Variants in PRG2 observed in about 807,000 individuals in gnomAD.
PRG2 encodes the protein proteoglycan 2, pro eosinophil major basic protein.
A neutral mutation model predicts 24.7 loss-of-function variants in PRG2; 23 were observed. The observed-to-expected ratio is 0.93, with a 90% confidence interval of 0.67 to 1.32. The LOEUF (loss-of-function observed/expected upper bound fraction) is 1.32. Among genes scored for constraint, PRG2 ranks in the 40% most tolerant of loss-of-function variants. PRG2 has a pLI of 0.00. For missense variants in PRG2, 271 were observed against 280.9 expected (o/e 0.96, Z 0.25); for synonymous variants, 104 against 99.8 (o/e 1.04, Z -0.25).
intron 2 of PRG2, among the ~76,000 whole-genome samples, 166 bp downstream of exon 2, chr11:57,389,721 G>A (rs1857121592): frequency 6.6e-6 from 1 of 152,132 alleles, no homozygotes; most frequent in South Asian, 2.1e-4. Flanking sequence ...CAGACGCCTT[G>A]AGAAATCCTT....
In PRG2 at chr11:57,390,592, TCACC is replaced by T. The variant is rs2134476620; in HGVS notation, c.-13_-13+3del. The T allele has an allele frequency of 1.0e-6, 1 of 985,552 alleles. No homozygotes were observed. Among genetic ancestry groups the T allele is most frequent in the East Asian group, 1.1e-4 (1 of 8,818 alleles). 61.1% of individuals were successfully genotyped at this position (985,552 alleles called of 1,614,324 possible). ...AGCTCCACCACAGCAGAGAAAGCAC[TCACC>T]CACCCAGAGACCTTCCTGGGTCTTT... On this transcript the variant is annotated splice_donor_variant and splice_donor_region_variant and 5_prime_UTR_variant and intron_variant, in exon 1 of 6. Transcript: ENST00000311862. LOFTEE classifies it low-confidence loss of function (5UTR_SPLICE).
chr11:57,387,676 G>T, intron 5 of PRG2, 78 bp downstream of exon 5: 1 of 1,382,040 alleles, frequency 7.2e-7, no homozygotes, highest in Non-Finnish European at 9.9e-7. Flanking sequence ...AAAGGGTCAG[G>T]CTCTTTGTAG....
chr11:57,387,333 T>A lies in PRG2; in HGVS notation c.*142A>T. Reference sequence around the variant, plus strand: ...AAGTTTCAATGAGGGCTAAGCAGAGTGGATCCGCGATCAGAGGAGAAAATA... The same window carrying A: ...AAGTTTCAATGAGGGCTAAGCAGAGAGGATCCGCGATCAGAGGAGAAAATA... On this transcript the variant is annotated 3_prime_UTR_variant, in exon 6 of 6. Coordinates refer to ENST00000311862, the MANE Select transcript of PRG2 (RefSeq NM_002728.6). 6 of 707,402 alleles carry A rather than the reference T, an allele frequency of 8.5e-6. No homozygotes were observed. The South Asian group carries it at 1.1e-4, about 13-fold the overall frequency. The allele number at this position is 707,402 out of a possible 1,614,324, so 43.8% of individuals were successfully genotyped here. A position where few individuals can be genotyped will look rare whatever the true frequency, so the allele number is the denominator to read the frequency against.
rs376502057 is a variant in PRG2 at position 57,388,622 on chromosome 11, C to A, written c.453G>T (p.Ala151=). 6.2e-7 allele frequency: 1 copy of A among 1,613,952 alleles called. No individual in the cohort carries two copies. The highest frequency in any genetic ancestry group is 2.2e-5 in the East Asian group (1 of 44,876). ...CAATCCAGACTTGACCCTGGTTGAG[C>A]GCGCTGACAGAACACTGGATTCGAT... The part of the protein sequence containing the change: ...INYRIQCSVS[A]LNQGQVWIGG... The change falls in exon 4 of 6, where the codon GCG becomes GCT. Residue 151 remains alanine, a synonymous_variant. Coordinates refer to ENST00000311862, the MANE Select transcript of PRG2 (RefSeq NM_002728.6).
intron 5 of PRG2, 28 bp downstream of exon 5, chr11:57,387,726 C>G (rs1212673696): frequency 1.3e-6 from 2 of 1,519,426 alleles, no homozygotes; most frequent in South Asian, 1.3e-5. Flanking sequence ...CCAGACCTTT[C>G]CATCGTTCAT....
intron 3 of PRG2, 135 bp from the exon 4 acceptor site, chr11:57,388,843 T>G: frequency 7.0e-7 from 1 of 1,431,064 alleles, no homozygotes; most frequent in Non-Finnish European, 9.4e-7. Flanking sequence ...ATGCAACTTC[T>G]GTTTGTAGGT....
chr11:57,389,692 A>T (rs1406811807), intron 2 of PRG2, among the ~76,000 whole-genome samples, 195 bp downstream of exon 2: 1 of 152,226 alleles, frequency 6.6e-6, no homozygotes, highest in African/African-American at 2.4e-5. Flanking sequence ...TCACAGTAGA[A>T]CCAAGACCAC....
chr11:57,389,468 C>T, intron 2 of PRG2, 151 bp from the exon 3 acceptor site: 1 of 888,868 alleles, frequency 1.1e-6, no homozygotes, highest in Non-Finnish European at 1.7e-6. Context: ...GAGGGGAACC[C>T]AAGCTGCCTG....
intron 2 of PRG2, 116 bp from the exon 3 acceptor site, chr11:57,389,433 G>A: frequency 1.7e-6 from 2 of 1,173,732 alleles, no homozygotes; most frequent in Non-Finnish European, 2.3e-6. Flanking sequence ...TGCCTGGGAA[G>A]GGGAACCTGG....
chr11:57,390,413 A>G (rs900715549), intron 1 of PRG2, 183 bp downstream of exon 1: 2 of 209,778 alleles, frequency 9.5e-6, no homozygotes, highest in Non-Finnish European at 8.3e-6. Context: ...GCCAAGGAGC[A>G]CTTTCACATC....
chr11:57,390,450 G>C (rs1819142305), intron 1 of PRG2, 146 bp downstream of exon 1: 1 of 333,028 alleles, frequency 3.0e-6, no homozygotes, highest in Non-Finnish European at 4.3e-6. Flanking sequence ...CAAGGCAGAG[G>C]ATGAAGGCTG....
Position 57,389,193 on chromosome 11 carries a change from G to T in PRG2, c.183C>A (p.Gly61=). 6.2e-7 allele frequency: 1 copy of T among 1,614,176 alleles called. No homozygotes were observed. The highest frequency in any genetic ancestry group is 8.5e-7 in the Non-Finnish European group (1 of 1,180,032). ...CRELEEEEEW[G]SGSEDASKKD... is the part of the protein sequence containing the mutation. ...TCTTGGAGGCATCTTCACTTCCAGA[G>T]CCCCACTCCTCCTCTTCCTCCAGCT... Residue 61 remains glycine, a synonymous_variant, in exon 3 of 6, where the codon GGC becomes GGA. Coordinates refer to ENST00000311862, the MANE Select transcript of PRG2 (RefSeq NM_002728.6).
At position 57,387,440 on chromosome 11, in the gene PRG2, G is replaced by C; in HGVS notation, c.*35C>G. On this transcript the variant is annotated 3_prime_UTR_variant, in exon 6 of 6. Coordinates refer to ENST00000311862, the MANE Select transcript of PRG2 (RefSeq NM_002728.6). ...CAGAGGAGGGGAGGCAGCTGCCCAG[G>C]AGAGGGCAGCTCTGAACTGCTGGCT... 2 of 1,584,420 alleles carry C rather than the reference G, an allele frequency of 1.3e-6. No individual in the cohort carries two copies. Among genetic ancestry groups the C allele is most frequent in the Non-Finnish European group, 1.7e-6 (2 of 1,156,208 alleles).
intron 4 of PRG2, among the ~76,000 whole-genome samples, chr11:57,388,294 C>A (rs973924086): frequency 2.0e-5 from 3 of 152,088 alleles, no homozygotes; most frequent in African/African-American, 7.3e-5. Context: ...CCTGCCTCAG[C>A]CTCCCAAGTA....
chr11:57,388,922 G>T, intron 3 of PRG2, 88 bp downstream of exon 3: 1 of 1,514,882 alleles, frequency 6.6e-7, no homozygotes, highest in Non-Finnish European at 8.9e-7. Flanking sequence ...GGCCCTCAAT[G>T]GGAAAAAGAG....
chr11:57,388,467 C>T (rs554691933), intron 4 of PRG2, 110 bp downstream of exon 4: 1 of 1,507,094 alleles, frequency 6.6e-7, no homozygotes, highest in Admixed American at 1.8e-5. Context: ...GTCCATCTAT[C>T]CCTGGTTCTT....
chr11:57,387,135 C>A lies in PRG2; in HGVS notation c.*340G>T, dbSNP rs1414300455. The stretch of plus-strand genomic sequence containing the variant: ...CTACAACCTTGAAAGGTCCTGGCAG[C>A]ACTATGCAGGTGCCCAGTAATCAGG... On this transcript the variant is annotated 3_prime_UTR_variant, in exon 6 of 6. Transcript: ENST00000311862. 2 of 213,128 alleles carry A rather than the reference C, an allele frequency of 9.4e-6. No individual in the cohort carries two copies. Among genetic ancestry groups the A allele is most frequent in the Non-Finnish European group, 1.8e-5 (2 of 108,524 alleles). The allele number at this position is 213,128 out of a possible 1,614,324, so 13.2% of individuals were successfully genotyped here.
chr11:57,387,959 C>T (rs1446758954), intron 4 of PRG2, 94 bp from the exon 5 acceptor site: 23 of 881,442 alleles, frequency 2.6e-5, no homozygotes, highest in Middle Eastern at 3.3e-4. Flanking sequence ...TGCTGCCCAC[C>T]GGGCAATGGG....
intron 3 of PRG2, 86 bp downstream of exon 3, chr11:57,388,924 G>GA: frequency 6.6e-7 from 1 of 1,520,874 alleles, no homozygotes; most frequent in Non-Finnish European, 8.8e-7. Context: ...CCCTCAATGG[G>GA]AAAAAGAGCC....
Sources: allele counts gnomAD v4.1 joint callset (sites outside exome capture counted in the v4.1 genomes callset), GRCh38; gene constraint gnomAD v4.1.1; transcripts MANE v1.5; gene names NCBI Gene and HGNC (gene_info 2026-07-23, HGNC 2026-07-21).